STK35: variants seen among roughly 807,000 people sequenced by gnomAD.
STK35 encodes the protein serine/threonine-protein kinase 35.
A neutral mutation model predicts 37.3 loss-of-function variants in STK35; 17 were observed. The ratio of observed to expected loss-of-function variants is 0.46; its 90% confidence interval spans 0.31 to 0.68. The LOEUF is 0.68. STK35 is among the 30% of genes least tolerant of loss of function. The pLI is 0.05. For missense variants in STK35, 595 were observed against 746.7 expected (o/e 0.80, Z 2.37); for synonymous variants, 385 against 319.1 (o/e 1.21, Z -2.20).
intron 3 of STK35, among the ~76,000 whole-genome samples, chr20:2,142,984 C>T (rs1009646532): frequency 2.0e-5 from 3 of 152,222 alleles, no homozygotes; most frequent in African/African-American, 7.2e-5. Context: ...AAGGCAGTTT[C>T]CAAATAATAG....
rs994571864 is a variant in STK35 at position 2,112,128 on chromosome 20, C to A, written c.893-4538C>A. Among the ~76,000 whole-genome samples, 5 of 152,342 alleles carry A rather than the reference C, an allele frequency of 3.3e-5. No homozygotes were observed. In the South Asian group the frequency reaches 1.0e-3, roughly 32 times the overall value. On this transcript the variant is annotated intron_variant, in intron 2 of 3. Coordinates refer to ENST00000381482, the MANE Select transcript of STK35 (RefSeq NM_080836.4). ...GTGGCGTTGACTAAAACCTGGAAAT[C>A]TAACTTCTGGAGAAGGCTTAAGGAT...
intron 3 of STK35, among the ~76,000 whole-genome samples, chr20:2,127,012 G>A (rs996280455): frequency 6.6e-6 from 1 of 152,202 alleles, no homozygotes; most frequent in African/African-American, 2.4e-5. Flanking sequence ...GCATCTTGAT[G>A]TGGGGCTTGG....
chr20:2,131,804 G>A (rs984117768), intron 3 of STK35, among the ~76,000 whole-genome samples: 12 of 151,986 alleles, frequency 7.9e-5, no homozygotes, highest in African/African-American at 2.4e-4. Flanking sequence ...TGGCAGCCTC[G>A]ACCTTCTGGG....
chr20:2,137,282 A>T (rs1193843619), intron 3 of STK35, among the ~76,000 whole-genome samples: 2 of 152,058 alleles, frequency 1.3e-5, no homozygotes, highest in African/African-American at 4.8e-5. Flanking sequence ...GGCTCGGGGG[A>T]CCCTGACTTG....
chr20:2,141,033 T>A (rs1337052602), intron 3 of STK35, among the ~76,000 whole-genome samples: 1 of 152,204 alleles, frequency 6.6e-6, no homozygotes, highest in Non-Finnish European at 1.5e-5. Flanking sequence ...TCCCAAAGAT[T>A]ATTTTAGCAC....
chr20:2,119,532 A>G lies in STK35; in HGVS notation c.*37+2117A>G, dbSNP rs1013391972. Among the ~76,000 whole-genome samples, 5 of 152,260 alleles carry G rather than the reference A, an allele frequency of 3.3e-5. No individual in the cohort carries two copies. In the South Asian group the frequency reaches 6.2e-4, roughly 19 times the overall value. On this transcript the variant is annotated intron_variant, in intron 3 of 3. Coordinates refer to ENST00000381482, the MANE Select transcript of STK35 (RefSeq NM_080836.4). ...GAAATAAGATGAAAAATTGACCAGC[A>G]TATATGCTAGGTAGTTTCACATGAA...
rs778064026 is a variant in STK35 at position 2,103,131 on chromosome 20, G to A, written c.658G>A (p.Val220Met). 2 of 1,604,442 alleles carry A rather than the reference G, an allele frequency of 1.2e-6. No individual in the cohort carries two copies. Among genetic ancestry groups the A allele is most frequent in the Admixed American group, 1.7e-5 (1 of 59,840 alleles). Residue 220 changes from valine to methionine, a missense_variant, in exon 2 of 4, where the codon GTG becomes ATG. Coordinates refer to ENST00000381482, the MANE Select transcript of STK35 (RefSeq NM_080836.4). ...RGSYGVVYEA[V>M]AGRSGARVAV... ...CAGCTACGGCGTGGTTTATGAGGCA[G>A]TGGCCGGGCGCAGCGGGGCCCGGGT...
At chr20:2,113,727 G>A (rs958113047) in intron 2 of STK35, among the ~76,000 whole-genome samples, 1 of 152,218 alleles carries the variant, frequency 6.6e-6, no homozygotes, top group Non-Finnish European at 1.5e-5. Flanking sequence ...TGGGAATGAT[G>A]ATGTTAGTGA....
chr20:2,137,647 C>G (rs1461715263), intron 3 of STK35, among the ~76,000 whole-genome samples: 1 of 152,216 alleles, frequency 6.6e-6, no homozygotes, highest in Non-Finnish European at 1.5e-5. Context: ...TGACAACAGG[C>G]ACGTTCACAG....
chr20:2,116,645 T>A, intron 2 of STK35, 21 bp from the exon 3 acceptor site: 1 of 1,603,080 alleles, frequency 6.2e-7, no homozygotes, highest in Non-Finnish European at 8.5e-7. Context: ...CTCAAGCTCC[T>A]TCCTGTCTTC....
intron 2 of STK35, among the ~76,000 whole-genome samples, chr20:2,110,969 G>A (rs932897980): frequency 6.6e-6 from 1 of 152,228 alleles, no homozygotes; most frequent in Non-Finnish European, 1.5e-5. Context: ...CTCCTCACCT[G>A]TGAGAGGAAA....
intron 2 of STK35, among the ~76,000 whole-genome samples, chr20:2,116,000 C>A (rs1398207443): frequency 6.6e-6 from 1 of 151,178 alleles, no homozygotes; most frequent in African/African-American, 2.5e-5. Flanking sequence ...AGCCTGATGG[C>A]GATGTACAGC....
intron 3 of STK35, among the ~76,000 whole-genome samples, chr20:2,141,248 G>A (rs543850095): frequency 6.6e-5 from 10 of 152,186 alleles, no homozygotes; most frequent in African/African-American, 2.4e-4. Context: ...TGTTTATGAT[G>A]ATTTTCTTTT....
intron 3 of STK35, among the ~76,000 whole-genome samples, chr20:2,129,757 T>A (rs993931734): frequency 6.6e-6 from 1 of 151,986 alleles, no homozygotes; most frequent in Non-Finnish European, 1.5e-5. Flanking sequence ...AGAGAAAGGC[T>A]CTCTGAGGAG....
chr20:2,132,079 C>G (rs1362195855), intron 3 of STK35, among the ~76,000 whole-genome samples: 2 of 152,164 alleles, frequency 1.3e-5, no homozygotes, highest in African/African-American at 4.8e-5. Flanking sequence ...TGTTGTCCCC[C>G]CAACTCCCAC....
rs762615862 is a variant in STK35 at position 2,116,667 on chromosome 20, A to G, written c.894A>G (p.Gly298=). The G allele has an allele frequency of 6.2e-7, 1 of 1,608,672 alleles. No homozygotes were observed. Among genetic ancestry groups the G allele is most frequent in the Non-Finnish European group, 8.5e-7 (1 of 1,176,512 alleles). ...YLRLVETSLK[G]ERILGYAEEP... is the part of the protein sequence containing the mutation. ...TCCTTCCTGTCTTCTTTGATTTAGGAGAAAGGATCCTGGGTTATGCTGAGG... is the reference window on the plus strand; with the variant it reads ...TCCTTCCTGTCTTCTTTGATTTAGGGGAAAGGATCCTGGGTTATGCTGAGG... Residue 298 remains glycine, a splice_region_variant and synonymous_variant, in exon 3 of 4, where the codon GGA becomes GGG. Coordinates refer to ENST00000381482, the MANE Select transcript of STK35 (RefSeq NM_080836.4).
chr20:2,129,911 T>G (rs560936959), intron 3 of STK35, among the ~76,000 whole-genome samples: 1 of 151,764 alleles, frequency 6.6e-6, no homozygotes, highest in African/African-American at 2.4e-5. Context: ...AGAGAGGCAG[T>G]TGTGGAAGCA....
chr20:2,124,495 G>T (rs981280376), intron 3 of STK35, among the ~76,000 whole-genome samples: 1 of 152,170 alleles, frequency 6.6e-6, no homozygotes, highest in South Asian at 2.1e-4. Context: ...AAGAATGGAG[G>T]TGTTATTAAG....
intron 3 of STK35, among the ~76,000 whole-genome samples, chr20:2,133,708 C>CAGATT (rs1324965195): frequency 6.6e-6 from 1 of 152,160 alleles, no homozygotes; most frequent in Non-Finnish European, 1.5e-5. Flanking sequence ...TGCAGTCTTG[C>CAGATT]CTACTGTTTC....
Sources: gnomAD v4.1 joint callset for allele counts (sites outside exome capture counted in the v4.1 genomes callset) on GRCh38, gnomAD v4.1.1 for gene constraint, MANE v1.5 for transcripts, NCBI Gene and HGNC (gene_info 2026-07-23, HGNC 2026-07-21) for gene names.